NRG1: variants seen among roughly 807,000 people sequenced by gnomAD.
The protein encoded by NRG1 is pro-neuregulin-1, membrane-bound isoform.
NRG1 carries 18 observed loss-of-function variants against 63.8 expected under a neutral mutation model. That is an observed-to-expected ratio of 0.28 (90% CI 0.19 to 0.42). The LOEUF (loss-of-function observed/expected upper bound fraction) is 0.42, where lower values mean the gene tolerates loss of function less well. Ranked by LOEUF, NRG1 falls within the 10% of genes least tolerant of loss-of-function variation. NRG1 has a pLI of 1.00. For synonymous variants in NRG1, 302 were observed against 301.3 expected, an observed-to-expected ratio of 1.00 and a Z score of -0.02; for missense variants, 762 against 814.7, an observed-to-expected ratio of 0.94 and a Z score of 0.79.
At chr8:31,683,575 T>TGAATGATGCTCC (rs1808562753) in intron 1 of NRG1, among the ~76,000 whole-genome samples, 2 of 152,182 alleles carry the variant, frequency 1.3e-5, no homozygotes, top group Non-Finnish European at 2.9e-5. Flanking sequence ...ATGTAGGATC[T>TGAATGATGCTCC]TCAGGGCGGT....
intron 1 of NRG1, among the ~76,000 whole-genome samples, chr8:31,943,365 G>T (rs1349560809): frequency 6.6e-6 from 1 of 152,012 alleles, no homozygotes. Flanking sequence ...TGATACATTG[G>T]ACTTCGGGGA....
intron 5 of NRG1, among the ~76,000 whole-genome samples, chr8:32,630,926 A>T (rs1041483513): frequency 1.3e-4 from 20 of 152,190 alleles, no homozygotes; most frequent in Non-Finnish European, 7.3e-5. Flanking sequence ...TATCAGTTGG[A>T]ACACATGAAG....
At chr8:32,032,026 A>G (rs781529372) in intron 1 of NRG1, among the ~76,000 whole-genome samples, 2 of 152,054 alleles carry the variant, frequency 1.3e-5, no homozygotes, top group Admixed American at 6.5e-5. Flanking sequence ...AGATATCACA[A>G]CACCATCTTC....
chr8:31,952,253 G>A (rs1586023140), intron 1 of NRG1, among the ~76,000 whole-genome samples: 2 of 152,214 alleles, frequency 1.3e-5, no homozygotes, highest in African/African-American at 4.8e-5. Flanking sequence ...CTGAAATGAT[G>A]AAGGTGCCAT....
Position 32,443,015 on chromosome 8 carries a change from A to G in NRG1, c.38-152813A>G, listed in dbSNP as rs77177425. ...TGTGATTATAACTCATTGCATTGCA[A>G]TCTTGACCCCCTGGGCTCAAGCCAT... On this transcript the variant is annotated intron_variant, in intron 1 of 10. Coordinates refer to the NRG1 transcript ENST00000519301. 8.8e-3 allele frequency among the ~76,000 whole-genome samples: 1,333 copies of G among 152,028 alleles called. 11 individuals are homozygous for G. Among genetic ancestry groups the G allele is most frequent in the Non-Finnish European group, 0.015 (997 of 67,960 alleles).
chr8:32,278,318 T>TG (rs1339972451), intron 1 of NRG1, among the ~76,000 whole-genome samples: 2 of 152,000 alleles, frequency 1.3e-5, no homozygotes, highest in Admixed American at 6.6e-5. Flanking sequence ...TAGAGCAATT[T>TG]GGGGGGAAAA....
chr8:31,875,054 C>T (rs1335077419), intron 1 of NRG1, among the ~76,000 whole-genome samples: 1 of 152,156 alleles, frequency 6.6e-6, no homozygotes, highest in Non-Finnish European at 1.5e-5. Context: ...TCCAGGAAAA[C>T]AAAGAGAGTG....
At chr8:32,213,012 C>T (rs757681087) in intron 1 of NRG1, among the ~76,000 whole-genome samples, 1 of 152,138 alleles carries the variant, frequency 6.6e-6, no homozygotes, top group African/African-American at 2.4e-5. Context: ...CCCTAAACTC[C>T]TTTTTACCTT....
At chr8:32,500,881 TA>T (rs1448412109) in intron 1 of NRG1, among the ~76,000 whole-genome samples, 1 of 152,214 alleles carries the variant, frequency 6.6e-6, no homozygotes, top group Non-Finnish European at 1.5e-5. Context: ...CCCATGTAAT[TA>T]ATTCTTGTTT....
At chr8:32,633,074 T>C (rs926990155) in intron 5 of NRG1, among the ~76,000 whole-genome samples, 3 of 152,244 alleles carry the variant, frequency 2.0e-5, no homozygotes, top group African/African-American at 4.8e-5. Context: ...GCTGATATTT[T>C]AGAATTTCTA....
At chr8:32,479,738 C>T (rs997816735) in intron 1 of NRG1, among the ~76,000 whole-genome samples, 2 of 152,150 alleles carry the variant, frequency 1.3e-5, no homozygotes, top group Non-Finnish European at 2.9e-5. Flanking sequence ...CAATCCCTGC[C>T]TCCTGGGTTC....
At chr8:32,565,974 C>T (rs1837358233) in intron 1 of NRG1, among the ~76,000 whole-genome samples, 1 of 152,158 alleles carries the variant, frequency 6.6e-6, no homozygotes, top group South Asian at 2.1e-4. Flanking sequence ...GCTTGAGGTT[C>T]TGTGGCCTAC....
chr8:32,561,970 A>C (rs1453749598), intron 1 of NRG1, among the ~76,000 whole-genome samples: 1 of 152,064 alleles, frequency 6.6e-6, no homozygotes, highest in Non-Finnish European at 1.5e-5. Flanking sequence ...GGAAGACTCA[A>C]AGTATTGTGG....
intron 1 of NRG1, among the ~76,000 whole-genome samples, chr8:32,420,826 C>T (rs1816621614): frequency 6.6e-6 from 1 of 152,166 alleles, no homozygotes; most frequent in Admixed American, 6.5e-5. Context: ...TCATAATCCC[C>T]ATGTGTCAAG....
chr8:32,308,702 C>T lies in NRG1; in HGVS notation c.38-287126C>T, dbSNP rs546681734. Among the ~76,000 whole-genome samples the T allele has an allele frequency of 9.9e-5, 15 of 152,248 alleles. No individual in the cohort carries two copies. In the East Asian group the frequency reaches 1.7e-3, roughly 18 times the overall value. ...AGCTACCACCACAAAAATGTGTCCC[C>T]GGCCTTTACAAATGAAGTGTTCAGA... On this transcript the variant is annotated intron_variant, in intron 1 of 10. Transcript: ENST00000519301.
chr8:32,247,529 C>A (rs1468485070), intron 1 of NRG1, among the ~76,000 whole-genome samples: 1 of 152,022 alleles, frequency 6.6e-6, no homozygotes, highest in African/African-American at 2.4e-5. Context: ...TGGGAGATAT[C>A]AAAGACAGTT....
At chr8:32,307,456 T>A (rs996274546) in intron 1 of NRG1, among the ~76,000 whole-genome samples, 5 of 176 alleles carry the variant, frequency 0.028, no homozygotes, top group African/African-American at 0.071. Flanking sequence ...TCAGAGGTGT[T>A]TGTTTGTCTT....
intron 1 of NRG1, among the ~76,000 whole-genome samples, chr8:32,566,824 G>A (rs777206188): frequency 6.7e-6 from 1 of 148,778 alleles, no homozygotes; most frequent in Non-Finnish European, 1.5e-5. Flanking sequence ...ACCTAAGTTA[G>A]GGATTTTCAG....
intron 1 of NRG1, among the ~76,000 whole-genome samples, chr8:31,825,262 C>T (rs1470306500): frequency 2.0e-5 from 3 of 152,006 alleles, no homozygotes; most frequent in Admixed American, 1.3e-4. Flanking sequence ...GTGGCGGGCA[C>T]CTGTAGTCCC....
Sources: allele counts gnomAD v4.1 joint callset (sites outside exome capture counted in the v4.1 genomes callset), GRCh38; gene constraint gnomAD v4.1.1; transcripts MANE v1.5; gene names NCBI Gene and HGNC (gene_info 2026-07-23, HGNC 2026-07-21).